PRKD1: variants seen among roughly 807,000 people sequenced by gnomAD.
The protein encoded by PRKD1 is serine/threonine-protein kinase D1.
Under a neutral mutation model 95.9 loss-of-function variants are expected in PRKD1, and 63 were observed. That is an observed-to-expected ratio of 0.66 (90% CI 0.54 to 0.81). PRKD1 has a LOEUF of 0.81. Among genes scored for constraint, PRKD1 ranks in the 30% least tolerant of loss-of-function variants. The pLI is 0.00. For missense variants in PRKD1, 1,048 were observed against 1,165.3 expected, an observed-to-expected ratio of 0.90 and a Z score of 1.47; for synonymous variants, 425 against 423.1, an observed-to-expected ratio of 1.00 and a Z score of -0.05.
At chr14:29,625,857 A>C (rs1426807832) in intron 12 of PRKD1, among the ~76,000 whole-genome samples, 2 of 152,176 alleles carry the variant, frequency 1.3e-5, no homozygotes, top group East Asian at 3.9e-4. Flanking sequence ...AGGAACTGAA[A>C]GTTATGAGTT....
intron 1 of PRKD1, among the ~76,000 whole-genome samples, chr14:29,834,764 T>G (rs148064161): frequency 1.3e-5 from 2 of 152,264 alleles, no homozygotes; most frequent in African/African-American, 4.8e-5. Flanking sequence ...ATTATCTCAT[T>G]TTGTGCTTAC....
At chr14:29,880,407 T>C (rs527245710) in intron 1 of PRKD1, among the ~76,000 whole-genome samples, 160 of 152,330 alleles carry the variant, frequency 1.1e-3, no homozygotes, top group African/African-American at 3.7e-3. Flanking sequence ...AACTGAGCTT[T>C]GGGAACCTCC....
intron 1 of PRKD1, among the ~76,000 whole-genome samples, chr14:29,848,309 C>T (rs73261525): frequency 0.039 from 5,883 of 152,118 alleles, 410 homozygotes; most frequent in African/African-American, 0.13. Context: ...TCTCAAAACC[C>T]TTTCCATCAA....
At chr14:29,822,469 T>C (rs752578939) in intron 1 of PRKD1, among the ~76,000 whole-genome samples, 27 of 152,198 alleles carry the variant, frequency 1.8e-4, no homozygotes, top group Non-Finnish European at 3.8e-4. Flanking sequence ...TTGTCTAGCA[T>C]GTTAACAGAG....
In PRKD1 at chr14:29,599,010, G is replaced by A. The variant is rs1893413982; in HGVS notation, c.2166+17C>T. The A allele has an allele frequency of 6.9e-6, 11 of 1,597,764 alleles. No homozygotes were observed. The highest frequency in any genetic ancestry group is 9.4e-6 in the Non-Finnish European group (11 of 1,166,628). ...GCTTCCAACTGGCTTTTTGCTGAGAGAGGCTTTTATACTTGCCTGAGGAAA... is the reference window on the plus strand; with the variant it reads ...GCTTCCAACTGGCTTTTTGCTGAGAAAGGCTTTTATACTTGCCTGAGGAAA... On this transcript the variant is annotated intron_variant, in intron 15 of 17. Coordinates refer to ENST00000331968, the MANE Select transcript of PRKD1 (RefSeq NM_002742.3).
chr14:29,576,948 C>T lies in PRKD1; in HGVS notation c.*290G>A, dbSNP rs1594331604. The T allele has an allele frequency of 2.7e-5, 11 of 403,646 alleles. No homozygotes were observed. In the East Asian group the frequency reaches 5.4e-4, roughly 20 times the overall value. The allele number at this position is 403,646 out of a possible 1,614,324, so 25.0% of individuals were successfully genotyped here. On this transcript the variant is annotated 3_prime_UTR_variant, in exon 18 of 18. Transcript: ENST00000331968. ...CTCCAGTAAGAAAAACACTGATTTG[C>T]AAAGGCACAGTGGAGACAGGTTTAA...
chr14:29,911,185 T>C (rs372436114), intron 1 of PRKD1, among the ~76,000 whole-genome samples: 87 of 152,256 alleles, frequency 5.7e-4, no homozygotes, highest in African/African-American at 2.0e-3. Context: ...CATATAAAGG[T>C]TTATCAAGCA....
rs534148480 is a variant in PRKD1, at chr14:29,634,537, A to T, written c.1195T>A (p.Ser399Thr). Residue 399 changes from serine to threonine, a missense_variant, in exon 8 of 18, where the codon TCA becomes ACA. This residue lies in a region of PRKD1 where 739 missense variants were observed against 861.9 expected (regional missense o/e 0.86). Coordinates refer to ENST00000331968, the MANE Select transcript of PRKD1 (RefSeq NM_002742.3). Reference protein sequence around the residue: ...HEDANRTISPSTSNNIPLMRV... With the variant: ...HEDANRTISPTTSNNIPLMRV... ...ATGAGTGGGATATTGTTGCTTGTTG[A>T]TGGACTTGAGAAGTCAAAATATTGT... 6.2e-7 allele frequency: 1 copy of T among 1,613,926 alleles called. No individual in the cohort carries two copies. Among genetic ancestry groups the T allele is most frequent in the African/African-American group, 1.3e-5 (1 of 74,980 alleles).
rs569742200 is a variant in PRKD1 at position 29,849,301 on chromosome 14, G to A, written c.264+77948C>T. On this transcript the variant is annotated intron_variant, in intron 1 of 17. Transcript: ENST00000331968. Reference sequence around the variant, plus strand: ...CATTCACTTTCCACCATAATTGTAAGTTTCCTGAGACCTCCCCAGCCATGT... The same window carrying A: ...CATTCACTTTCCACCATAATTGTAAATTTCCTGAGACCTCCCCAGCCATGT... Among the ~76,000 whole-genome samples, 4 of 152,224 alleles carry A rather than the reference G, an allele frequency of 2.6e-5. No homozygotes were observed. In the South Asian group the frequency reaches 8.3e-4, roughly 32 times the overall value.
chr14:29,622,971 G>A (rs771122225), intron 13 of PRKD1, among the ~76,000 whole-genome samples: 22 of 152,164 alleles, frequency 1.4e-4, no homozygotes, highest in African/African-American at 3.6e-4. Context: ...ACCACAGTGC[G>A]TGGAGACTGG....
In PRKD1 at chr14:29,686,694, G is replaced by C. The variant is rs970508058; in HGVS notation, c.404-20486C>G. On this transcript the variant is annotated intron_variant, in intron 2 of 17. Transcript: ENST00000331968. ...GGTGTATGACCTTAGATGATTAGTA[G>C]ACTGCTCTATACTTCAGTTTCTCCA... 4.6e-5 allele frequency among the ~76,000 whole-genome samples: 7 copies of C among 152,186 alleles called. No homozygotes were observed. In the East Asian group the frequency reaches 1.3e-3, roughly 29 times the overall value.
intron 1 of PRKD1, among the ~76,000 whole-genome samples, chr14:29,774,824 G>T (rs976272069): frequency 2.6e-5 from 4 of 152,144 alleles, no homozygotes; most frequent in African/African-American, 9.7e-5. Context: ...GCTTCAAACA[G>T]TTAGGAGATA....
At chr14:29,641,217 G>C (rs1241945264) in intron 4 of PRKD1, among the ~76,000 whole-genome samples, 1 of 152,150 alleles carries the variant, frequency 6.6e-6, no homozygotes, top group Non-Finnish European at 1.5e-5. Flanking sequence ...GTAATTTATA[G>C]TGTCAACTAT....
intron 1 of PRKD1, among the ~76,000 whole-genome samples, chr14:29,846,043 T>C (rs1892065059): frequency 1.3e-5 from 2 of 152,168 alleles, no homozygotes; most frequent in South Asian, 4.1e-4. Context: ...TAAGGAAATA[T>C]ACTATACATA....
intron 1 of PRKD1, among the ~76,000 whole-genome samples, chr14:29,776,392 C>A (rs1200232347): frequency 1.3e-5 from 2 of 152,060 alleles, no homozygotes; most frequent in African/African-American, 4.8e-5. Context: ...AGCTAAAAAC[C>A]TTGAAAAAAG....
At chr14:29,839,036 G>T (rs1453310059) in intron 1 of PRKD1, among the ~76,000 whole-genome samples, 1 of 151,972 alleles carries the variant, frequency 6.6e-6, no homozygotes, top group East Asian at 1.9e-4. Context: ...TTTTAAGAAG[G>T]GATGAGACAA....
intron 1 of PRKD1, among the ~76,000 whole-genome samples, chr14:29,784,371 T>G (rs1317488351): frequency 6.6e-6 from 1 of 152,180 alleles, no homozygotes; most frequent in Non-Finnish European, 1.5e-5. Flanking sequence ...CTTTGAGTAT[T>G]CAGGGTCTTT....
intron 1 of PRKD1, among the ~76,000 whole-genome samples, chr14:29,850,453 AACACACACAC>A (rs57312847): frequency 2.7e-5 from 4 of 147,806 alleles, no homozygotes; most frequent in Admixed American, 2.0e-4. Context: ...CCCCATTCAA[AACACACACAC>A]ACACACACAC....
At chr14:29,916,626 G>A (rs746335766) in intron 1 of PRKD1, among the ~76,000 whole-genome samples, 72 of 151,544 alleles carry the variant, frequency 4.8e-4, no homozygotes, top group Non-Finnish European at 7.6e-4. Flanking sequence ...AAATAACTGC[G>A]ACTCTTGGTC....
Sources: allele counts gnomAD v4.1 joint callset (sites outside exome capture counted in the v4.1 genomes callset), GRCh38; gene constraint gnomAD v4.1.1; regional missense constraint gnomAD v4.1.1; transcripts MANE v1.5; gene names NCBI Gene and HGNC (gene_info 2026-07-23, HGNC 2026-07-21).